The following IFNAR1 variants were observed in gnomAD, a reference collection of about 807,000 sequenced individuals.
IFNAR1 encodes interferon alpha and beta receptor subunit 1.
IFNAR1 carries 47 observed loss-of-function variants against 62.1 expected under a neutral mutation model. The ratio of observed to expected loss-of-function variants is 0.76; its 90% confidence interval spans 0.60 to 0.97. The LOEUF (loss-of-function observed/expected upper bound fraction) is 0.97, where lower values mean the gene tolerates loss of function less well. Among genes scored for constraint, IFNAR1 ranks in the 50% least tolerant of loss-of-function variants. The pLI, the probability that IFNAR1 is intolerant of heterozygous loss-of-function variation, is 0.00. For synonymous variants in IFNAR1, 219 were observed against 226.9 expected (o/e 0.97, Z 0.31); for missense variants, 638 against 654.5 (o/e 0.97, Z 0.27).
chr21:33,348,854 A>G lies in IFNAR1; in HGVS notation c.789-237A>G, dbSNP rs148504733. Among the ~76,000 whole-genome samples the G allele has an allele frequency of 5.6e-3, 845 of 152,206 alleles. 11 individuals carry two copies. Among genetic ancestry groups the G allele is most frequent in the African/African-American group, 0.019 (798 of 41,536 alleles). ...AGCTTGCAGCATTCCTGGAAATTCT[A>G]ACTAACAGATGTTCTTGCATATTGA... On this transcript the variant is annotated intron_variant, in intron 6 of 10. Transcript: ENST00000270139.
chr21:33,327,508 G>C (rs1156738557), intron 1 of IFNAR1, among the ~76,000 whole-genome samples: 1 of 152,216 alleles, frequency 6.6e-6, no homozygotes, highest in African/African-American at 2.4e-5. Flanking sequence ...GTCCGTGGAG[G>C]AGTGGGAAGT....
At position 33,349,295 on chromosome 21, in the gene IFNAR1, G is replaced by A. The variant is rs189480201; in HGVS notation, c.988+5G>A. The A allele has an allele frequency of 7.6e-6, 12 of 1,586,796 alleles. 1 individual carries two copies. The highest frequency in any genetic ancestry group is 1.7e-4 in the Middle Eastern group (1 of 5,966). On this transcript the variant is annotated splice_donor_5th_base_variant and intron_variant, in intron 7 of 10. Transcript: ENST00000270139. ...AGTTTGATACTGAAATACAAGGTAA[G>A]GCAGTAGTTTTTACTGGAGATTGTA...
intron 10 of IFNAR1, among the ~76,000 whole-genome samples, 170 bp downstream of exon 10, chr21:33,353,953 G>A (rs1479396576): frequency 6.6e-6 from 1 of 152,198 alleles, no homozygotes; most frequent in Non-Finnish European, 1.5e-5. Flanking sequence ...GTAATTTCAT[G>A]TAATAACATA....
chr21:33,328,520 A>C lies in IFNAR1; in HGVS notation c.76+3389A>C, dbSNP rs372573822. On this transcript the variant is annotated intron_variant, in intron 1 of 10. Coordinates refer to ENST00000270139, the MANE Select transcript of IFNAR1 (RefSeq NM_000629.3). ...TTACGTAACTATCTACTTTTTCCCC[A>C]AAAAAAATCATGTTGAAAACTCAAG... Among the ~76,000 whole-genome samples the C allele has an allele frequency of 5.5e-4, 83 of 151,886 alleles. 1 individual carries two copies. The highest frequency in any genetic ancestry group is 2.7e-3 in the South Asian group (13 of 4,816).
At chr21:33,344,750 ATTCT>A (rs1236553392) in intron 5 of IFNAR1, among the ~76,000 whole-genome samples, 2 of 126,266 alleles carry the variant, frequency 1.6e-5, no homozygotes, top group East Asian at 4.0e-4. Context: ...CATCTATTGC[ATTCT>A]TTCTTTTTTA....
chr21:33,347,485 G>A (rs370222465), intron 6 of IFNAR1, among the ~76,000 whole-genome samples: 7 of 151,624 alleles, frequency 4.6e-5, no homozygotes, highest in South Asian at 2.1e-4. Flanking sequence ...CAGGCTGTTC[G>A]CAAACTCCTG....
At position 33,343,335 on chromosome 21, in the gene IFNAR1, T is replaced by G. The variant is rs953189203; in HGVS notation, c.444T>G (p.Pro148=). ...AGGCAATAGTGATACACATCTCTCC[T>G]GGAACAAAAGATAGTGTTATGTGGG... ...EDKAIVIHIS[P]GTKDSVMWAL... The change falls in exon 4 of 11, where the codon CCT becomes CCG. Residue 148 remains proline (P), a synonymous_variant. Coordinates refer to ENST00000270139, the MANE Select transcript of IFNAR1 (RefSeq NM_000629.3). 6 of 1,612,430 alleles carry G rather than the reference T, an allele frequency of 3.7e-6. No homozygotes were observed. In the African/African-American group the frequency reaches 8.0e-5, roughly 22 times the overall value.
intron 9 of IFNAR1, 114 bp downstream of exon 9, chr21:33,353,022 A>T: frequency 1.5e-6 from 1 of 662,782 alleles, no homozygotes; most frequent in Non-Finnish European, 2.3e-6. Context: ...AAATATATAG[A>T]AAGAATGTTT....
At chr21:33,346,458 A>G (rs1377688292) in intron 6 of IFNAR1, among the ~76,000 whole-genome samples, 1 of 152,230 alleles carries the variant, frequency 6.6e-6, no homozygotes, top group Non-Finnish European at 1.5e-5. Context: ...GTGCCCCACA[A>G]TGCATATATA....
At chr21:33,338,359 C>T (rs6517163) in intron 2 of IFNAR1, among the ~76,000 whole-genome samples, 3,178 of 119,250 alleles carry the variant, frequency 0.027, 122 homozygotes, top group African/African-American at 0.095. Context: ...ATGGTGAAAC[C>T]CCATCTCTAC....
intron 6 of IFNAR1, among the ~76,000 whole-genome samples, chr21:33,347,873 C>T (rs2083364316): frequency 6.6e-6 from 1 of 152,106 alleles, no homozygotes; most frequent in Admixed American, 6.5e-5. Flanking sequence ...CACCAGGTGG[C>T]AATGGGAAGA....
chr21:33,359,503 C>T lies in IFNAR1; in HGVS notation c.*3954C>T, dbSNP rs1026896536. ...AGATAGAGCCTGTTTGCTGCTTTTT[C>T]TTCCCGCTCTTAAGACATGGCTGGA... On this transcript the variant is annotated 3_prime_UTR_variant, in exon 11 of 11. Transcript: ENST00000270139. 6.6e-6 allele frequency: 1 copy of T among 152,210 alleles called. No individual in the cohort carries two copies. Among genetic ancestry groups the T allele is most frequent in the Non-Finnish European group, 1.5e-5 (1 of 68,066 alleles). The allele number at this position is 152,210 out of a possible 1,614,324, so 9.4% of individuals were successfully genotyped here. A position where few individuals can be genotyped will look rare whatever the true frequency, so the allele number is the denominator to read the frequency against.
intron 1 of IFNAR1, 73 bp from the exon 2 acceptor site, chr21:33,335,451 T>G: frequency 1.2e-6 from 1 of 818,636 alleles, no homozygotes; most frequent in Non-Finnish European, 1.9e-6. Context: ...ATCAGGGATG[T>G]GAGGGATAGA....
At position 33,345,324 on chromosome 21, in the gene IFNAR1, C is replaced by T. The variant is rs371985368; in HGVS notation, c.752C>T (p.Thr251Ile). Reference protein sequence around the residue: ...NQNYVLKWDYTYANMTFQVQW... With the variant: ...NQNYVLKWDYIYANMTFQVQW... ...AACTATGTTCTTAAATGGGATTATA[C>T]ATATGCAAACATGACCTTTCAAGTT... Residue 251 changes from threonine to isoleucine, a missense_variant, in exon 6 of 11, where the codon ACA becomes ATA. Transcript: ENST00000270139. The T allele has an allele frequency of 8.8e-6, 14 of 1,598,930 alleles. No individual in the cohort carries two copies. Among genetic ancestry groups the T allele is most frequent in the Non-Finnish European group, 1.2e-5 (14 of 1,166,782 alleles).
rs1436347496 is a variant in IFNAR1 at position 33,355,670 on chromosome 21, A to AT, written c.*121_*122insT. 1 of 546,802 alleles carries AT rather than the reference A, an allele frequency of 1.8e-6. No homozygotes were observed. The highest frequency in any genetic ancestry group is 2.0e-5 in the African/African-American group (1 of 51,234). The allele number at this position is 546,802 out of a possible 1,614,324, so 33.9% of individuals were successfully genotyped here. On this transcript the variant is annotated 3_prime_UTR_variant, in exon 11 of 11. Transcript: ENST00000270139. ...GTTTCCCTGTTTAGGGAAAGAAAAA[A>AT]CATCTTCAGATCATAGGTCCTAAAA... is the stretch of plus-strand genomic sequence containing the variant.
At chr21:33,339,238 T>A (rs2083272420) in intron 2 of IFNAR1, among the ~76,000 whole-genome samples, 1 of 152,188 alleles carries the variant, frequency 6.6e-6, no homozygotes, top group South Asian at 2.1e-4. Flanking sequence ...AGTTTCTGGA[T>A]TTTTAGAAAT....
intron 1 of IFNAR1, chr21:33,335,043 A>G (rs1206166832): frequency 1.6e-6 from 2 of 1,284,288 alleles, no homozygotes; most frequent in South Asian, 2.4e-5. Flanking sequence ...TGATGTCACC[A>G]CAAGGAGTAC....
chr21:33,343,141 C>T lies in IFNAR1; in HGVS notation c.377-127C>T. The T allele has an allele frequency of 5.7e-6, 4 of 703,940 alleles. No individual in the cohort carries two copies. The South Asian group carries it at 7.5e-5, about 13-fold the overall frequency. 43.6% of individuals were successfully genotyped at this position (703,940 alleles called of 1,614,324 possible). Reference sequence around the variant, plus strand: ...CACTGGTGATCTTACAGCTTTCTATCCTATCTGTATGCTCTTAACTCCCAG... The same window carrying T: ...CACTGGTGATCTTACAGCTTTCTATTCTATCTGTATGCTCTTAACTCCCAG... On this transcript the variant is annotated intron_variant, in intron 3 of 10. Transcript: ENST00000270139.
chr21:33,349,302 G>T lies in IFNAR1; in HGVS notation c.988+12G>T. ...TACTGAAATACAAGGTAAGGCAGTA[G>T]TTTTTACTGGAGATTGTAATTCTCT... On this transcript the variant is annotated intron_variant, in intron 7 of 10. Coordinates refer to ENST00000270139, the MANE Select transcript of IFNAR1 (RefSeq NM_000629.3). 1 of 1,578,720 alleles carries T rather than the reference G, an allele frequency of 6.3e-7. No individual in the cohort carries two copies. The highest frequency in any genetic ancestry group is 1.8e-5 in the Admixed American group (1 of 55,524).
Sources: gnomAD v4.1 joint callset for allele counts (sites outside exome capture counted in the v4.1 genomes callset) on GRCh38, gnomAD v4.1.1 for gene constraint, MANE v1.5 for transcripts, NCBI Gene and HGNC (gene_info 2026-07-23, HGNC 2026-07-21) for gene names.